The following ELP4 variants were observed in gnomAD, a reference collection of about 807,000 sequenced individuals.
The protein encoded by ELP4 is elongator acetyltransferase complex subunit 4.
In ELP4, 51 loss-of-function variants were observed where a neutral mutation model predicts 48.9. The observed-to-expected ratio is 1.04, with a 90% CI of 0.83 to 1.32. ELP4 has a LOEUF of 1.32. ELP4 is among the 40% of genes most tolerant of loss of function. The pLI is 0.00. For synonymous variants in ELP4, 210 were observed against 189.2 expected (o/e 1.11, Z -0.90); for missense variants, 519 against 514.6 (o/e 1.01, Z -0.08).
chr11:31,571,367 A>G (rs1457575716), intron 3 of ELP4, among the ~76,000 whole-genome samples: 1 of 152,208 alleles, frequency 6.6e-6, no homozygotes, highest in Non-Finnish European at 1.5e-5. Context: ...AGATGGCAGC[A>G]ATTAGTCACA....
At chr11:31,655,018 G>T (rs889848591) in intron 9 of ELP4, among the ~76,000 whole-genome samples, 3 of 151,778 alleles carry the variant, frequency 2.0e-5, no homozygotes, top group African/African-American at 7.3e-5. Flanking sequence ...AGAAAGAAAA[G>T]AAAATCAAAG....
chr11:31,660,888 G>A (rs1307119245), intron 9 of ELP4, among the ~76,000 whole-genome samples: 4 of 151,930 alleles, frequency 2.6e-5, no homozygotes, highest in South Asian at 2.1e-4. Context: ...AGAAAAAATG[G>A]TGGTCCAGAT....
chr11:31,515,053 A>ATATATATATATATATATATATG (rs139261349), intron 1 of ELP4, among the ~76,000 whole-genome samples: 1 of 149,134 alleles, frequency 6.7e-6, no homozygotes, highest in African/African-American at 2.5e-5. Flanking sequence ...ATATATATAT[A>ATATATATATATATATATATATG]TATGTATAGG....
intron 9 of ELP4, among the ~76,000 whole-genome samples, chr11:31,749,752 C>G (rs1947677349): frequency 6.6e-6 from 1 of 151,912 alleles, no homozygotes; most frequent in African/African-American, 2.4e-5. Context: ...ATTCCTGTAA[C>G]TAGAAAATAA....
intron 3 of ELP4, among the ~76,000 whole-genome samples, chr11:31,547,981 A>G (rs1424238489): frequency 1.1e-4 from 16 of 152,148 alleles, no homozygotes; most frequent in South Asian, 4.1e-4. Flanking sequence ...TTGATGGGAC[A>G]TATCTCAAAA....
chr11:31,518,092 C>A (rs1454545841), intron 1 of ELP4, among the ~76,000 whole-genome samples: 2 of 150,738 alleles, frequency 1.3e-5, no homozygotes, highest in Non-Finnish European at 3.0e-5. Context: ...GTGCTAATTT[C>A]TTTAATTCTT....
At chr11:31,560,696 A>G (rs1303401158) in intron 3 of ELP4, among the ~76,000 whole-genome samples, 1 of 147,808 alleles carries the variant, frequency 6.8e-6, no homozygotes, top group Non-Finnish European at 1.5e-5. Flanking sequence ...TGTTTTATAT[A>G]TATATAAAAC....
chr11:31,696,161 A>G (rs1170756288), intron 9 of ELP4, among the ~76,000 whole-genome samples: 5 of 151,828 alleles, frequency 3.3e-5, no homozygotes, highest in South Asian at 4.2e-4. Flanking sequence ...TTGTGTCTCT[A>G]TCTCCTTCTG....
chr11:31,715,470 TA>T (rs1946826008), intron 9 of ELP4, among the ~76,000 whole-genome samples: 1 of 152,226 alleles, frequency 6.6e-6, no homozygotes, highest in Admixed American at 6.5e-5. Context: ...TGCACACAGT[TA>T]CTGAGAGATT....
intron 2 of ELP4, among the ~76,000 whole-genome samples, chr11:31,523,486 G>C (rs1458864158): frequency 1.3e-5 from 2 of 152,166 alleles, no homozygotes; most frequent in African/African-American, 4.8e-5. Context: ...CTGTGCATGA[G>C]TGTGGGCTTT....
At chr11:31,708,740 C>T (rs1031232685) in intron 9 of ELP4, among the ~76,000 whole-genome samples, 23 of 151,974 alleles carry the variant, frequency 1.5e-4, no homozygotes, top group Non-Finnish European at 3.1e-4. Flanking sequence ...TTAATTTCTT[C>T]CTAAGAAAAC....
chr11:31,732,481 AAAT>A (rs1173322079), intron 9 of ELP4, among the ~76,000 whole-genome samples: 1 of 145,894 alleles, frequency 6.9e-6, no homozygotes, highest in Non-Finnish European at 1.5e-5. Flanking sequence ...AAAAAAAAAA[AAAT>A]AAATGAAAAC....
At chr11:31,579,781 G>A (rs1460256423) in intron 3 of ELP4, among the ~76,000 whole-genome samples, 1 of 125,402 alleles carries the variant, frequency 8.0e-6, no homozygotes, top group East Asian at 2.9e-4. Context: ...ACTGGGGCCT[G>A]TCATGGGGTG....
chr11:31,685,177 C>A (rs1028798705), intron 9 of ELP4, among the ~76,000 whole-genome samples: 1 of 151,918 alleles, frequency 6.6e-6, no homozygotes, highest in African/African-American at 2.4e-5. Flanking sequence ...ATGGTGAAAC[C>A]CTGTCTCTAC....
At chr11:31,539,246 C>T (rs1419161366) in intron 2 of ELP4, among the ~76,000 whole-genome samples, 53 of 152,090 alleles carry the variant, frequency 3.5e-4, no homozygotes, top group Admixed American at 3.5e-3. Context: ...GGGCAGATCA[C>T]GAGGTCAGGA....
intron 3 of ELP4, among the ~76,000 whole-genome samples, chr11:31,575,031 A>C (rs548747198): frequency 1.3e-5 from 2 of 152,224 alleles, no homozygotes; most frequent in Admixed American, 1.3e-4. Flanking sequence ...CAAAGAAGCT[A>C]AAAACCTTGA....
At chr11:31,747,965 A>G (rs183137688) in intron 9 of ELP4, among the ~76,000 whole-genome samples, 68 of 152,372 alleles carry the variant, frequency 4.5e-4, no homozygotes, top group African/African-American at 1.5e-3. Flanking sequence ...AAGACAAAGC[A>G]TATTAAAGCT....
At chr11:31,618,031 A>G (rs1271894513) in intron 5 of ELP4, among the ~76,000 whole-genome samples, 3 of 152,076 alleles carry the variant, frequency 2.0e-5, no homozygotes, top group Non-Finnish European at 4.4e-5. Context: ...CTGTACATAA[A>G]TGTTCATAAC....
chr11:31,704,642 TA>T (rs1002572534), intron 9 of ELP4, among the ~76,000 whole-genome samples: 1 of 151,902 alleles, frequency 6.6e-6, no homozygotes, highest in African/African-American at 2.4e-5. Flanking sequence ...ATAATAAAAA[TA>T]AAAAAATTAA....
Sources: gnomAD v4.1 joint callset for allele counts (sites outside exome capture counted in the v4.1 genomes callset) on GRCh38, gnomAD v4.1.1 for gene constraint, MANE v1.5 for transcripts, NCBI Gene and HGNC (gene_info 2026-07-23, HGNC 2026-07-21) for gene names.